Variants in LRRC9 observed in about 807,000 individuals in gnomAD.
LRRC9 encodes the protein leucine-rich repeat-containing protein 9.
A neutral mutation model predicts 63.2 loss-of-function variants in LRRC9; 122 were observed. That is an observed-to-expected ratio of 1.93 (90% CI 1.67 to 2.24). LRRC9 has a LOEUF of 2.24. Among genes scored for constraint, LRRC9 ranks in the 30% most tolerant of loss-of-function variants. The pLI, the probability that LRRC9 is intolerant of heterozygous loss-of-function variation, is 0.00. For missense variants in LRRC9, 1,071 were observed against 627.7 expected, an observed-to-expected ratio of 1.71 and a Z score of -7.55; for synonymous variants, 366 against 213.1, an observed-to-expected ratio of 1.72 and a Z score of -6.25.
chr14:59,971,430 T>C (rs1885492352), intron 12 of LRRC9, among the ~76,000 whole-genome samples: 1 of 152,192 alleles, frequency 6.6e-6, no homozygotes, highest in Non-Finnish European at 1.5e-5. Flanking sequence ...TTTGGTTCCA[T>C]TTGAGTTGTA....
At position 60,004,283 on chromosome 14, in the gene LRRC9, A is replaced by G. The variant is rs1889631302; in HGVS notation, c.2842+485A>G. On this transcript the variant is annotated intron_variant, in intron 21 of 31. Coordinates refer to ENST00000445360, the Ensembl canonical transcript of LRRC9. The surrounding 1 kb of genome is among the most constrained non-coding windows in gnomAD (Gnocchi z 4.8). ...ACAAATGAATGAGGTATGCTTTTGA[A>G]AAAGATAAAGCAGACTAGTTCTGTT... is the stretch of plus-strand genomic sequence containing the variant. Among the ~76,000 whole-genome samples, 1 of 152,146 alleles carries G rather than the reference A, an allele frequency of 6.6e-6. No individual in the cohort carries two copies. Among genetic ancestry groups the G allele is most frequent in the Non-Finnish European group, 1.5e-5 (1 of 68,008 alleles).
rs76702916 is a variant in LRRC9 at position 59,983,800 on chromosome 14, G to A, written c.2092-1305G>A. Among the ~76,000 whole-genome samples, 1,332 of 152,254 alleles carry A rather than the reference G, an allele frequency of 8.7e-3. 8 individuals are homozygous for A. The highest frequency in any genetic ancestry group is 0.013 in the Non-Finnish European group (887 of 68,022). ...AAAATTTAAAAGTTTATATTCTTCTGTTTAAGGAACAGACTCCCTTTAAAG... is the reference window on the plus strand; with the variant it reads ...AAAATTTAAAAGTTTATATTCTTCTATTTAAGGAACAGACTCCCTTTAAAG... On this transcript the variant is annotated intron_variant, in intron 16 of 31. Transcript: ENST00000445360.
At chr14:59,948,017 T>C (rs1454375934) in intron 8 of LRRC9, among the ~76,000 whole-genome samples, 1 of 149,470 alleles carries the variant, frequency 6.7e-6, no homozygotes, top group African/African-American at 2.5e-5. Flanking sequence ...ATATGAACTT[T>C]AAAGTAGTTT....
chr14:59,947,522 T>C (rs1030998307), intron 8 of LRRC9, among the ~76,000 whole-genome samples: 1 of 132,010 alleles, frequency 7.6e-6, no homozygotes, highest in African/African-American at 3.1e-5. Flanking sequence ...TTAGATCCCA[T>C]TTGTCAATTT....
chr14:60,046,943 G>C (rs986766189), intron 29 of LRRC9, among the ~76,000 whole-genome samples: 1 of 152,146 alleles, frequency 6.6e-6, no homozygotes, highest in Non-Finnish European at 1.5e-5. Context: ...CCGAGCAGTA[G>C]TTTGTAGTTC....
intron 12 of LRRC9, among the ~76,000 whole-genome samples, chr14:59,967,756 G>A (rs540329112): frequency 9.3e-4 from 142 of 152,178 alleles, no homozygotes; most frequent in Non-Finnish European, 1.6e-3. Flanking sequence ...GTAGAGCAGC[G>A]CTTCCCAACC....
At chr14:60,046,251 G>A (rs1263788013) in intron 29 of LRRC9, among the ~76,000 whole-genome samples, 5 of 152,184 alleles carry the variant, frequency 3.3e-5, no homozygotes, top group South Asian at 2.1e-4. Flanking sequence ...AGTTTCTTTC[G>A]CCATGCAGAA....
At chr14:60,029,708 T>A (rs1464157899) in intron 28 of LRRC9, among the ~76,000 whole-genome samples, 1 of 152,118 alleles carries the variant, frequency 6.6e-6, no homozygotes, top group Non-Finnish European at 1.5e-5. Context: ...ATAACAACCA[T>A]ACTTAGTCAA....
chr14:59,988,495 T>A (rs1397991833), intron 17 of LRRC9, among the ~76,000 whole-genome samples: 1 of 152,210 alleles, frequency 6.6e-6, no homozygotes, highest in Non-Finnish European at 1.5e-5. Flanking sequence ...ATCCTGATTC[T>A]TAAGGATACA....
intron 29 of LRRC9, among the ~76,000 whole-genome samples, chr14:60,049,488 G>C (rs1216387676): frequency 6.6e-6 from 1 of 152,186 alleles, no homozygotes; most frequent in Admixed American, 6.5e-5. Context: ...TGTCTGAAAA[G>C]GATCTCATTT....
chr14:60,013,791 T>A (rs1476077660), intron 23 of LRRC9, among the ~76,000 whole-genome samples: 2 of 152,180 alleles, frequency 1.3e-5, no homozygotes, highest in African/African-American at 4.8e-5. Context: ...AACCTGCATA[T>A]ATTATTATAT....
chr14:60,036,695 C>T (rs946011600), intron 29 of LRRC9, among the ~76,000 whole-genome samples: 3 of 149,706 alleles, frequency 2.0e-5, no homozygotes, highest in African/African-American at 7.4e-5. Flanking sequence ...TGGTGTTTGC[C>T]AGATTTTTCT....
chr14:60,032,568 C>A (rs938446532), intron 29 of LRRC9, among the ~76,000 whole-genome samples: 1 of 152,108 alleles, frequency 6.6e-6, no homozygotes, highest in Admixed American at 6.6e-5. Context: ...ACATTTGCAA[C>A]CTTTCCTGTT....
rs112204460 is a variant in LRRC9 at position 60,029,616 on chromosome 14, G to A, written c.3921+1515G>A. Among the ~76,000 whole-genome samples the A allele has an allele frequency of 1.3e-3, 205 of 152,170 alleles. 1 individual carries two copies. The highest frequency in any genetic ancestry group is 4.9e-3 in the African/African-American group (202 of 41,542). ...GTTACCAGATTAGACCTGGTAATCT[G>A]CTTTTCCACAAGAGTGTCCCTGCCC... On this transcript the variant is annotated intron_variant, in intron 28 of 31. Transcript: ENST00000445360.
intron 14 of LRRC9, 86 bp from the exon 15 acceptor site, chr14:59,977,931 T>C: frequency 1.8e-6 from 1 of 564,674 alleles, no homozygotes; most frequent in Non-Finnish European, 3.2e-6. Flanking sequence ...ATTGAGTTTG[T>C]TAATTATTAA....
chr14:60,061,502 T>G (rs1894656463), intron 31 of LRRC9, among the ~76,000 whole-genome samples: 1 of 152,308 alleles, frequency 6.6e-6, no homozygotes, highest in East Asian at 1.9e-4. Flanking sequence ...ACTGCACACT[T>G]AATAGACTAC....
Position 59,964,102 on chromosome 14 carries a change from A to G in LRRC9, c.1212-2487A>G, listed in dbSNP as rs1232767913. On this transcript the variant is annotated intron_variant, in intron 10 of 31. Transcript: ENST00000445360. The surrounding 1 kb of genome is among the most constrained non-coding windows in gnomAD (Gnocchi z 4.4). ...TCAGCTGACTCTAAAGGATTTGAAC[A>G]GGAGTTATGATTAGTTTAGAGACCA... 6.6e-6 allele frequency among the ~76,000 whole-genome samples: 1 copy of G among 152,220 alleles called. No homozygotes were observed. The highest frequency in any genetic ancestry group is 1.5e-5 in the Non-Finnish European group (1 of 68,022).
At chr14:59,984,827 A>G (rs1245751247) in intron 16 of LRRC9, among the ~76,000 whole-genome samples, 1 of 152,202 alleles carries the variant, frequency 6.6e-6, no homozygotes, top group Non-Finnish European at 1.5e-5. Context: ...TCTAAAAAGA[A>G]TTTCACGCCA....
rs558087101 is a variant in LRRC9, at chr14:60,038,123, A to ATATCTCTGTT, written c.3990+6062_3990+6071dup. On this transcript the variant is annotated intron_variant, in intron 29 of 31. Coordinates refer to ENST00000445360, the Ensembl canonical transcript of LRRC9. ...GGGCTCTATTCTGTTCCATTGGTCT[A>ATATCTCTGTT]TATCTCTGTTTTGGTACCAGTACTA... 1.7e-4 allele frequency among the ~76,000 whole-genome samples: 26 copies of ATATCTCTGTT among 152,226 alleles called. No homozygotes were observed. The South Asian group carries it at 3.1e-3, about 18-fold the overall frequency.
Sources: gnomAD v4.1 joint callset for allele counts (sites outside exome capture counted in the v4.1 genomes callset) on GRCh38, gnomAD v4.1.1 for gene constraint, Gnocchi (gnomAD v3.1) non-coding constraint, MANE v1.5 for transcripts, NCBI Gene and HGNC (gene_info 2026-07-23, HGNC 2026-07-21) for gene names.